The following MMP24 variants were observed in gnomAD, a reference collection of about 807,000 sequenced individuals.
MMP24 encodes matrix metalloproteinase-24.
MMP24 carries 25 observed loss-of-function variants against 62.8 expected under a neutral mutation model. The observed-to-expected ratio is 0.40, with a 90% CI of 0.29 to 0.56. The LOEUF (loss-of-function observed/expected upper bound fraction) is 0.56, where lower values mean the gene tolerates loss of function less well. Among genes scored for constraint, MMP24 ranks in the 20% least tolerant of loss-of-function variants. The pLI is 0.50. For missense variants in MMP24, 634 were observed against 853.6 expected (o/e 0.74, Z 3.21); for synonymous variants, 319 against 350.5 (o/e 0.91, Z 1.00).
intron 1 of MMP24, among the ~76,000 whole-genome samples, chr20:35,236,365 C>T (rs1017199508): frequency 2.0e-5 from 3 of 152,208 alleles, no homozygotes; most frequent in African/African-American, 7.2e-5. Context: ...TTTTCTTTCT[C>T]TCTTCTGCAA....
At position 35,271,853 on chromosome 20, in the gene MMP24, C is replaced by G. The variant is rs2060671947; in HGVS notation, c.1600+18C>G. 6.3e-7 allele frequency: 1 copy of G among 1,598,480 alleles called. No homozygotes were observed. The highest frequency in any genetic ancestry group is 8.5e-7 in the Non-Finnish European group (1 of 1,173,308). On this transcript the variant is annotated intron_variant, in intron 8 of 8. Coordinates refer to ENST00000246186, the MANE Select transcript of MMP24 (RefSeq NM_006690.4). The surrounding 1 kb of genome is among the most constrained non-coding windows in gnomAD (Gnocchi z 4.0). Reference sequence around the variant, plus strand: ...GGAAGGATGTACGTAAGGGCCGGGCCAGGGTGGGCATGGGGAGCCGGTTTT... The same window carrying G: ...GGAAGGATGTACGTAAGGGCCGGGCGAGGGTGGGCATGGGGAGCCGGTTTT...
At chr20:35,268,247 C>T (rs559726555) in intron 6 of MMP24, among the ~76,000 whole-genome samples, 1 of 152,332 alleles carries the variant, frequency 6.6e-6, no homozygotes, top group South Asian at 2.1e-4. Context: ...GGAGAGCTCT[C>T]TGAAGCAGGG....
rs2060696683 is a variant in MMP24, at chr20:35,275,146, C to T, written c.*537C>T. 1 of 157,274 alleles carries T rather than the reference C, an allele frequency of 6.4e-6. No homozygotes were observed. Among genetic ancestry groups the T allele is most frequent in the Non-Finnish European group, 1.4e-5 (1 of 70,754 alleles). 9.7% of individuals were successfully genotyped at this position (157,274 alleles called of 1,614,324 possible). A position where few individuals can be genotyped will look rare whatever the true frequency, so the allele number is the denominator to read the frequency against. On this transcript the variant is annotated 3_prime_UTR_variant, in exon 9 of 9. Transcript: ENST00000246186. ...CACAGTGAGCAACAAGCCTGGGTTT[C>T]CCTGCTGGCAGACGGCAGATCCCTC... is the stretch of plus-strand genomic sequence containing the variant.
chr20:35,249,592 C>CTT (rs573444436), intron 2 of MMP24, among the ~76,000 whole-genome samples: 1 of 143,846 alleles, frequency 7.0e-6, no homozygotes, highest in Non-Finnish European at 1.5e-5. Flanking sequence ...ATAATAATTT[C>CTT]TTTTTTTTTT....
In MMP24 at chr20:35,254,538, C is replaced by G. The variant is rs770302097; in HGVS notation, c.601C>G (p.Leu201Val). 6.2e-7 allele frequency: 1 copy of G among 1,613,924 alleles called. No individual in the cohort carries two copies. Among genetic ancestry groups the G allele is most frequent in the Non-Finnish European group, 8.5e-7 (1 of 1,179,910 alleles). ...AFDVWQKVTPLTFEEVPYHEI... is the reference protein window; with the variant it reads ...AFDVWQKVTPVTFEEVPYHEI... ...CGATGTGTGGCAGAAGGTGACCCCA[C>G]TGACCTTTGAAGAGGTGCCATACCA... The change falls in exon 4 of 9, where the codon CTG (leucine) becomes GTG (valine). Residue 201 changes from leucine to valine, a missense_variant. By Grantham distance (32) the Leu-to-Val change is conservative. Around this residue, in one of 3 missense-constraint regions of MMP24, gnomAD observed 212 missense variants for 259.6 expected, o/e 0.82. Transcript: ENST00000246186.
chr20:35,260,508 C>T (rs1334643647), intron 4 of MMP24, among the ~76,000 whole-genome samples: 2 of 152,246 alleles, frequency 1.3e-5, no homozygotes, highest in Non-Finnish European at 2.9e-5. Flanking sequence ...AACAGCTTGT[C>T]CCAGGTCATA....
chr20:35,245,547 C>T (rs950149529), intron 1 of MMP24, among the ~76,000 whole-genome samples: 4 of 151,796 alleles, frequency 2.6e-5, no homozygotes, highest in Non-Finnish European at 2.9e-5. Flanking sequence ...CTCCCAGGTC[C>T]GAGTGATTCT....
intron 2 of MMP24, among the ~76,000 whole-genome samples, chr20:35,247,870 G>A (rs2146212441): frequency 6.6e-6 from 1 of 152,326 alleles, no homozygotes; most frequent in Non-Finnish European, 1.5e-5. Flanking sequence ...CGGAGGTGAG[G>A]AGAAGAGGTG....
intron 1 of MMP24, among the ~76,000 whole-genome samples, chr20:35,240,533 G>T (rs1462254058): frequency 6.6e-6 from 1 of 152,088 alleles, no homozygotes; most frequent in Non-Finnish European, 1.5e-5. Flanking sequence ...TGAAAGCAAG[G>T]TCATTCTGTC....
At chr20:35,245,303 A>G (rs2060508663) in intron 1 of MMP24, among the ~76,000 whole-genome samples, 1 of 152,182 alleles carries the variant, frequency 6.6e-6, no homozygotes, top group South Asian at 2.1e-4. Context: ...CTGGGATTAC[A>G]GGCATGAGCC....
chr20:35,262,475 A>G (rs201775156), intron 4 of MMP24, among the ~76,000 whole-genome samples: 52,433 of 149,252 alleles, frequency 0.35, 11,852 homozygotes, highest in African/African-American at 0.65. Context: ...GCTTTACAAA[A>G]CCGTATTGCT....
Position 35,246,193 on chromosome 20 carries a change from G to A in MMP24, c.247-647G>A, listed in dbSNP as rs374445459. Among the ~76,000 whole-genome samples the A allele has an allele frequency of 5.8e-4, 88 of 151,678 alleles. No homozygotes were observed. The South Asian group carries it at 7.9e-3, about 14-fold the overall frequency. On this transcript the variant is annotated intron_variant, in intron 1 of 8. Coordinates refer to ENST00000246186, the MANE Select transcript of MMP24 (RefSeq NM_006690.4). ...GTGCTGGCCGGGCGCGGTGGCTCAC[G>A]CCTGTAATCCCACAACTTTGGGAGG...
chr20:35,266,528 G>C (rs994864367), intron 5 of MMP24, among the ~76,000 whole-genome samples: 7 of 152,036 alleles, frequency 4.6e-5, no homozygotes, highest in African/African-American at 1.7e-4. Flanking sequence ...AGCCTCTAGA[G>C]TAGGGCAGAT....
rs75564013 is a variant in MMP24, at chr20:35,274,401, G to A, written c.1730G>A (p.Arg577Gln). The A allele has an allele frequency of 8.0e-5, 129 of 1,613,918 alleles. 1 individual carries two copies. In the East Asian group the frequency reaches 2.2e-3, roughly 28 times the overall value. Residue 577 changes from arginine (R) to glutamine (Q), a missense_variant, in exon 9 of 9, where the codon CGG becomes CAG. Arg to Gln is a conservative substitution (Grantham distance 43, BLOSUM62 1). Around this residue, in one of 3 missense-constraint regions of MMP24, gnomAD observed 399 missense variants for 530.8 expected, o/e 0.75. Transcript: ENST00000246186. This position sits in a 1 kb window ranked among gnomAD's most constrained non-coding sequence, Gnocchi z 5.1. ...MGCNQKEVER[R>Q]KERRLPQDDV... ...TGCAACCAGAAGGAGGTGGAGCGGCGGAAGGAGCGGCGGCTGCCCCAGGAC... is the reference window on the plus strand; with the variant it reads ...TGCAACCAGAAGGAGGTGGAGCGGCAGAAGGAGCGGCGGCTGCCCCAGGAC...
At chr20:35,234,445 T>C (rs1029236838) in intron 1 of MMP24, among the ~76,000 whole-genome samples, 2 of 152,232 alleles carry the variant, frequency 1.3e-5, no homozygotes, top group Admixed American at 6.5e-5. Flanking sequence ...TTATTTATAA[T>C]GTAATACAAA....
At position 35,254,656 on chromosome 20, in the gene MMP24, G is replaced by A; in HGVS notation, c.719G>A (p.Gly240Glu). ...GDSSPFDGEG[G>E]FLAHAYFPGP... ...AGCTCCCCATTTGATGGAGAAGGGG[G>A]ATTCCTGGCCCATGCCTACTTCCCT... is the stretch of plus-strand genomic sequence containing the variant. The change falls in exon 4 of 9, where the codon GGA becomes GAA. Residue 240 changes from glycine to glutamate, a missense_variant. This residue lies in a region of MMP24 where 23 missense variants were observed against 63.1 expected (regional missense o/e 0.36). Coordinates refer to ENST00000246186, the MANE Select transcript of MMP24 (RefSeq NM_006690.4). 1 of 1,614,228 alleles carries A rather than the reference G, an allele frequency of 6.2e-7. No homozygotes were observed. Among genetic ancestry groups the A allele is most frequent in the Non-Finnish European group, 8.5e-7 (1 of 1,180,052 alleles).
Position 35,271,645 on chromosome 20 carries a change from T to C in MMP24, c.1410T>C (p.Cys470=), listed in dbSNP as rs1377498494. 2 of 1,610,840 alleles carry C rather than the reference T, an allele frequency of 1.2e-6. No individual in the cohort carries two copies. The highest frequency in any genetic ancestry group is 2.2e-5 in the East Asian group (1 of 44,820). Residue 470 remains cysteine, a synonymous_variant, in exon 8 of 9, where the codon TGT becomes TGC. Transcript: ENST00000246186. The surrounding 1 kb of genome is among the most constrained non-coding windows in gnomAD (Gnocchi z 4.0). ...YPHSLGELGS[C]LPREGIDTAL... is the part of the protein sequence containing the mutation. The stretch of plus-strand genomic sequence containing the variant: ...ACAGCCTGGGGGAGCTGGGCAGCTG[T>C]TTGCCCCGTGAAGGCATTGACACAG...
intron 1 of MMP24, among the ~76,000 whole-genome samples, chr20:35,230,298 T>G (rs1038923112): frequency 4.6e-5 from 7 of 152,234 alleles, no homozygotes; most frequent in Non-Finnish European, 1.0e-4. Flanking sequence ...CCCTATTTAT[T>G]TTTTAATAGT....
At position 35,246,951 on chromosome 20, in the gene MMP24, A is replaced by G; in HGVS notation, c.358A>G (p.Ile120Val). The part of the protein sequence containing the change: ...AVSTMQQFYG[I>V]PVTGVLDQTT... Reference sequence around the variant, plus strand: ...CTCCACTATGCAGCAGTTTTACGGGATCCCGGTCACCGGTGTGTTGGATCA... The same window carrying G: ...CTCCACTATGCAGCAGTTTTACGGGGTCCCGGTCACCGGTGTGTTGGATCA... The change falls in exon 2 of 9, where the codon ATC becomes GTC. Residue 120 changes from isoleucine to valine, a missense_variant. Around this residue, in one of 3 missense-constraint regions of MMP24, gnomAD observed 212 missense variants for 259.6 expected, o/e 0.82. Transcript: ENST00000246186. 6.2e-7 allele frequency: 1 copy of G among 1,614,070 alleles called. No homozygotes were observed. The highest frequency in any genetic ancestry group is 8.5e-7 in the Non-Finnish European group (1 of 1,179,904).
Sources: gnomAD v4.1 joint callset for allele counts (sites outside exome capture counted in the v4.1 genomes callset) on GRCh38, gnomAD v4.1.1 for gene constraint, gnomAD v4.1.1 regional missense constraint, Gnocchi (gnomAD v3.1) non-coding constraint, MANE v1.5 for transcripts, NCBI Gene and HGNC (gene_info 2026-07-23, HGNC 2026-07-21) for gene names.